The following FERMT2 variants were observed in gnomAD, a reference collection of about 807,000 sequenced individuals.
FERMT2 encodes the protein FERM domain containing kindlin 2, also known as fermitin family homolog 2.
A neutral mutation model predicts 82.7 loss-of-function variants in FERMT2; 15 were observed. The observed-to-expected ratio is 0.18, with a 90% CI of 0.12 to 0.28. FERMT2 has a LOEUF of 0.28. Among genes scored for constraint, FERMT2 ranks in the 10% least tolerant of loss-of-function variants. The probability of loss-of-function intolerance (pLI) is 1.00; values close to 1 mark genes in which losing one functional copy is unlikely to be tolerated. For synonymous variants in FERMT2, 274 were observed against 271.5 expected, an observed-to-expected ratio of 1.01 and a Z score of -0.09; for missense variants, 645 against 809.4, an observed-to-expected ratio of 0.80 and a Z score of 2.46.
chr14:52,943,337 A>G (rs1301747581), intron 2 of FERMT2, among the ~76,000 whole-genome samples: 2 of 151,396 alleles, frequency 1.3e-5, no homozygotes, highest in African/African-American at 4.8e-5. Context: ...TAAAGTTTAC[A>G]AACAGATACT....
chr14:52,898,640 G>A (rs143180262), intron 3 of FERMT2, among the ~76,000 whole-genome samples: 31 of 152,256 alleles, frequency 2.0e-4, no homozygotes, highest in African/African-American at 6.0e-4. Flanking sequence ...GGGCCATACT[G>A]GGATAAAATA....
intron 2 of FERMT2, among the ~76,000 whole-genome samples, chr14:52,948,335 T>C (rs2139718913): frequency 6.6e-6 from 1 of 152,358 alleles, no homozygotes; most frequent in Non-Finnish European, 1.5e-5. Context: ...GTGGATGTTT[T>C]AAATGCTGCC....
Position 52,864,422 on chromosome 14 carries a change from T to C in FERMT2, c.1581A>G (p.Leu527=). Residue 527 remains leucine, a synonymous_variant, in exon 12 of 15, where the codon CTA becomes CTG. Coordinates refer to ENST00000341590, the MANE Select transcript of FERMT2 (RefSeq NM_006832.3). ...TPECLVSPRY[L]KKYKNKQITA... is the part of the protein sequence containing the mutation. ...GTACCTGCTTGTTCTTATACTTTTT[T>C]AGATAGCGGGGAGACACCAAACATT... 6.2e-7 allele frequency: 1 copy of C among 1,613,416 alleles called. No individual in the cohort carries two copies. The highest frequency in any genetic ancestry group is 1.3e-5 in the African/African-American group (1 of 75,030).
intron 12 of FERMT2, chr14:52,861,020 T>C: frequency 6.6e-7 from 1 of 1,521,430 alleles, no homozygotes; most frequent in Non-Finnish European, 8.8e-7. Flanking sequence ...TTACCAAATC[T>C]CTTATATAGC....
intron 2 of FERMT2, among the ~76,000 whole-genome samples, chr14:52,927,661 C>G (rs949304324): frequency 1.4e-5 from 2 of 145,862 alleles, no homozygotes; most frequent in African/African-American, 5.1e-5. Flanking sequence ...TCCTAGCTAC[C>G]TGGAGGCTGA....
rs1884679390 is a variant in FERMT2, at chr14:52,858,120, T to A, written c.*257A>T. ...AATCAGTAAATCAGTGATGGTTTGT[T>A]CCTGATTTGCCCACTATTTCAGTTT... On this transcript the variant is annotated 3_prime_UTR_variant, in exon 15 of 15. Coordinates refer to ENST00000341590, the MANE Select transcript of FERMT2 (RefSeq NM_006832.3). 2.3e-6 allele frequency: 1 copy of A among 430,028 alleles called. No homozygotes were observed. Among genetic ancestry groups the A allele is most frequent in the South Asian group, 3.4e-5 (1 of 29,420 alleles). 26.6% of individuals were successfully genotyped at this position (430,028 alleles called of 1,614,324 possible).
intron 3 of FERMT2, among the ~76,000 whole-genome samples, chr14:52,899,721 G>T (rs1570876): frequency 0.81 from 122,823 of 152,198 alleles, 49,758 homozygotes; most frequent in East Asian, 1. Context: ...AAAGTGGTTT[G>T]CATTTCATTA....
At chr14:52,943,672 A>C (rs768311099) in intron 2 of FERMT2, among the ~76,000 whole-genome samples, 1 of 151,728 alleles carries the variant, frequency 6.6e-6, no homozygotes, top group Non-Finnish European at 1.5e-5. Context: ...GGTTATGAGT[A>C]AGTCTGAAAC....
chr14:52,859,403 A>T (rs1884764032), intron 14 of FERMT2, 170 bp downstream of exon 14: 1 of 594,784 alleles, frequency 1.7e-6, no homozygotes, highest in Admixed American at 4.1e-5. Flanking sequence ...AACTGGGCTA[A>T]TTATGAAATA....
At chr14:52,937,070 G>C (rs886352515) in intron 2 of FERMT2, among the ~76,000 whole-genome samples, 1 of 152,086 alleles carries the variant, frequency 6.6e-6, no homozygotes, top group African/African-American at 2.4e-5. Context: ...GCTGAGGCAC[G>C]AGAATTGCTT....
At chr14:52,928,305 T>G in intron 2 of FERMT2, 2 of 192,246 alleles carry the variant, frequency 1.0e-5, no homozygotes, top group East Asian at 1.1e-4. Flanking sequence ...AAATATATAC[T>G]TTTGTACTCT....
chr14:52,874,445 C>T (rs907664226), intron 8 of FERMT2, among the ~76,000 whole-genome samples: 1 of 152,128 alleles, frequency 6.6e-6, no homozygotes, highest in African/African-American at 2.4e-5. Context: ...ACAAAATTTT[C>T]ATCAAAATGG....
chr14:52,917,314 T>G (rs1888671477), intron 3 of FERMT2, among the ~76,000 whole-genome samples: 1 of 151,968 alleles, frequency 6.6e-6, no homozygotes, highest in Non-Finnish European at 1.5e-5. Flanking sequence ...GTCTGTGTAT[T>G]TTACAGTACT....
chr14:52,881,880 G>A, intron 4 of FERMT2: 1 of 770,802 alleles, frequency 1.3e-6, no homozygotes, highest in Non-Finnish European at 1.9e-6. Flanking sequence ...GGCCACAACA[G>A]AGGACAGAAA....
intron 3 of FERMT2, among the ~76,000 whole-genome samples, chr14:52,914,976 G>GA (rs1888539090): frequency 6.6e-6 from 1 of 151,624 alleles, no homozygotes; most frequent in Admixed American, 6.6e-5. Context: ...AAATCCAAGA[G>GA]AATCAATAAA....
chr14:52,925,207 C>G (rs1048502681), intron 2 of FERMT2, among the ~76,000 whole-genome samples: 2 of 152,044 alleles, frequency 1.3e-5, no homozygotes, highest in African/African-American at 4.8e-5. Flanking sequence ...TGATGGTACA[C>G]CAACTGAGAA....
In FERMT2 at chr14:52,897,976, C is replaced by CAAAAA. The variant is rs71125145; in HGVS notation, c.392-4554_392-4550dup. Among the ~76,000 whole-genome samples, 640 of 93,280 alleles carry CAAAAA rather than the reference C, an allele frequency of 6.9e-3. 11 individuals carry two copies. The highest frequency in any genetic ancestry group is 0.029 in the African/African-American group (599 of 20,898). The allele number at this position is 93,280 out of a possible 152,430, so 61.2% of individuals were successfully genotyped here. A position where few individuals can be genotyped will look rare whatever the true frequency, so the allele number is the denominator to read the frequency against. ...GGGCAAGGAGAGTGAAACTCCGTCTCAAAAAAAAAAAAAAAAAACAACCAA... is the reference window on the plus strand; with the variant it reads ...GGGCAAGGAGAGTGAAACTCCGTCTCAAAAAAAAAAAAAAAAAAAAAAACAACCAA... On this transcript the variant is annotated intron_variant, in intron 3 of 14. Transcript: ENST00000341590.
chr14:52,948,864 A>G (rs1037949462), intron 2 of FERMT2, among the ~76,000 whole-genome samples: 1 of 152,214 alleles, frequency 6.6e-6, no homozygotes, highest in Admixed American at 6.5e-5. Context: ...AATATGGTCC[A>G]TTTACCATAA....
chr14:52,901,445 G>A (rs892321436), intron 3 of FERMT2, among the ~76,000 whole-genome samples: 2 of 152,146 alleles, frequency 1.3e-5, no homozygotes, highest in Non-Finnish European at 1.5e-5. Context: ...AGGAGTTTTT[G>A]CAAATGAATT....
Sources: allele counts gnomAD v4.1 joint callset (sites outside exome capture counted in the v4.1 genomes callset), GRCh38; gene constraint gnomAD v4.1.1; transcripts MANE v1.5; gene names NCBI Gene and HGNC (gene_info 2026-07-23, HGNC 2026-07-21).